FTCDNL1: variants seen among roughly 807,000 people sequenced by gnomAD.
FTCDNL1 encodes formiminotransferase N-terminal subdomain-containing protein.
Under a neutral mutation model 5.9 loss-of-function variants are expected in FTCDNL1, and 11 were observed. The observed-to-expected ratio is 1.87, with a 90% CI of 1.18 to 3.10. The LOEUF (loss-of-function observed/expected upper bound fraction) is 3.10, where lower values mean the gene tolerates loss of function less well. FTCDNL1 is among the 30% of genes most tolerant of loss of function. The pLI is 0.00. For synonymous variants in FTCDNL1, 58 were observed against 24.8 expected, an observed-to-expected ratio of 2.34 and a Z score of -3.99; for missense variants, 115 against 65.5, an observed-to-expected ratio of 1.76 and a Z score of -2.61.
chr2:199,843,737 C>T (rs1158147752), intron 3 of FTCDNL1, among the ~76,000 whole-genome samples: 1 of 152,192 alleles, frequency 6.6e-6, no homozygotes, highest in East Asian at 1.9e-4. Context: ...TTTTTTTCCC[C>T]GAAGATTATA....
the FTCDNL1 span, among the ~76,000 whole-genome samples, chr2:199,727,185 A>G: frequency 2.0e-5 from 3 of 152,320 alleles, no homozygotes; most frequent in Middle Eastern, 3.4e-3. Context: ...GTCTGGTCAC[A>G]ATCTGCCACA....
At chr2:199,683,877 A>G in the FTCDNL1 span, among the ~76,000 whole-genome samples, 1 of 152,208 alleles carries the variant, frequency 6.6e-6, no homozygotes, top group Non-Finnish European at 1.5e-5. Context: ...CAGCAAAGTC[A>G]TGATGTTTGA....
chr2:199,836,038 G>C (rs901317258), intron 3 of FTCDNL1, among the ~76,000 whole-genome samples: 1 of 152,142 alleles, frequency 6.6e-6, no homozygotes, highest in African/African-American at 2.4e-5. Context: ...CTCAACTGTG[G>C]CTTCTAGATT....
At chr2:199,794,332 C>T (rs1439239626) in intron 3 of FTCDNL1, among the ~76,000 whole-genome samples, 1 of 152,122 alleles carries the variant, frequency 6.6e-6, no homozygotes, top group Non-Finnish European at 1.5e-5. Flanking sequence ...GCACTGTGGC[C>T]AAAGCAAATA....
chr2:199,772,340 GAA>G (rs1162099123), intron 3 of FTCDNL1, among the ~76,000 whole-genome samples: 1 of 152,168 alleles, frequency 6.6e-6, no homozygotes, highest in Non-Finnish European at 1.5e-5. Context: ...CAAAACTTCG[GAA>G]AGCGAAACTG....
intron 3 of FTCDNL1, among the ~76,000 whole-genome samples, chr2:199,791,989 T>C (rs1250317398): frequency 6.6e-6 from 1 of 152,098 alleles, no homozygotes; most frequent in Non-Finnish European, 1.5e-5. Flanking sequence ...GTTATCCCCT[T>C]TAGAAGAAAA....
rs754199371 is a variant in FTCDNL1, at chr2:199,810,381, C to A, written c.*2324G>T. 6.6e-5 allele frequency among the ~76,000 whole-genome samples: 10 copies of A among 152,198 alleles called. No individual in the cohort carries two copies. The highest frequency in any genetic ancestry group is 1.2e-4 in the Non-Finnish European group (8 of 68,034). On this transcript the variant is annotated 3_prime_UTR_variant, in exon 5 of 5. Transcript: ENST00000420128. ...GAACTGGGAAAAGCAAAGGGACTCACGTGTTTTGTGATGATGTGAGTTTGG... is the reference window on the plus strand; with the variant it reads ...GAACTGGGAAAAGCAAAGGGACTCAAGTGTTTTGTGATGATGTGAGTTTGG...
the FTCDNL1 span, among the ~76,000 whole-genome samples, chr2:199,740,928 A>G: frequency 6.6e-6 from 1 of 152,170 alleles, no homozygotes; most frequent in African/African-American, 2.4e-5. Flanking sequence ...GGCAAATGTT[A>G]TAGAGGGTCC....
intron 3 of FTCDNL1, among the ~76,000 whole-genome samples, chr2:199,795,267 G>C (rs1047056406): frequency 6.6e-6 from 1 of 152,138 alleles, no homozygotes; most frequent in Non-Finnish European, 1.5e-5. Context: ...CCACTTGTTA[G>C]GCTAGATCAG....
chr2:199,749,783 G>C, the FTCDNL1 span, among the ~76,000 whole-genome samples: 61 of 152,226 alleles, frequency 4.0e-4, no homozygotes, highest in East Asian at 7.7e-3. Flanking sequence ...CAGCCCAAGT[G>C]CTCCCTCACT....
downstream of FTCDNL1, among the ~76,000 whole-genome samples, chr2:199,806,113 C>A (rs1700711882): frequency 6.6e-6 from 1 of 152,174 alleles, no homozygotes; most frequent in South Asian, 2.1e-4. Flanking sequence ...CAAAGGCAGT[C>A]TGAGTTCAAC....
the FTCDNL1 span, among the ~76,000 whole-genome samples, chr2:199,681,150 G>C: frequency 1.3e-5 from 2 of 152,224 alleles, no homozygotes; most frequent in Non-Finnish European, 2.9e-5. Flanking sequence ...TGGGAAAAGA[G>C]AGATAGAAAA....
intron 3 of FTCDNL1, among the ~76,000 whole-genome samples, chr2:199,769,340 CCTT>C (rs1698691643): frequency 6.6e-6 from 1 of 152,114 alleles, no homozygotes; most frequent in African/African-American, 2.4e-5. Context: ...GCAGTTTCCC[CCTT>C]ACTGTTCTAC....
the FTCDNL1 span, among the ~76,000 whole-genome samples, chr2:199,745,409 G>A: frequency 6.6e-6 from 1 of 152,130 alleles, no homozygotes; most frequent in Non-Finnish European, 1.5e-5. Context: ...TCGATGACAG[G>A]TTTCTGTTTT....
chr2:199,778,452 T>C lies in FTCDNL1; in HGVS notation c.212-17617A>G, dbSNP rs539720997. Among the ~76,000 whole-genome samples, 86 of 152,248 alleles carry C rather than the reference T, an allele frequency of 5.6e-4. 1 individual carries two copies. The South Asian group carries it at 0.017, about 29-fold the overall frequency. On this transcript the variant is annotated intron_variant, in intron 3 of 3. Coordinates refer to the FTCDNL1 transcript ENST00000416668. ...CACATTCCTTAAGGTAAAATACAAATGCTGAAATTCAGTGCCCACCATTCC... is the reference window on the plus strand; with the variant it reads ...CACATTCCTTAAGGTAAAATACAAACGCTGAAATTCAGTGCCCACCATTCC...
intron 4 of FTCDNL1, among the ~76,000 whole-genome samples, chr2:199,817,218 G>C (rs1001779480): frequency 1.3e-5 from 2 of 152,078 alleles, no homozygotes; most frequent in African/African-American, 2.4e-5. Flanking sequence ...TTTATCTCTA[G>C]ATCTAGAATT....
At chr2:199,743,162 C>G in the FTCDNL1 span, among the ~76,000 whole-genome samples, 3 of 152,238 alleles carry the variant, frequency 2.0e-5, no homozygotes, top group East Asian at 5.8e-4. Context: ...ATGATCACCT[C>G]AACAGCCCAT....
At chr2:199,842,695 G>A (rs2076622683) in intron 3 of FTCDNL1, among the ~76,000 whole-genome samples, 2 of 152,010 alleles carry the variant, frequency 1.3e-5, no homozygotes, top group Non-Finnish European at 2.9e-5. Context: ...TCTGAAATAC[G>A]TTATTCAGCA....
chr2:199,812,852 C>G (rs1286524682), intron 4 of FTCDNL1, 128 bp from the exon 5 acceptor site: 2 of 588,496 alleles, frequency 3.4e-6, no homozygotes, highest in East Asian at 5.7e-5. Flanking sequence ...GAAAAAGAAA[C>G]TGAGATTCAG....
Sources: gnomAD v4.1 joint callset for allele counts (sites outside exome capture counted in the v4.1 genomes callset) on GRCh38, gnomAD v4.1.1 for gene constraint, MANE v1.5 for transcripts, NCBI Gene and HGNC (gene_info 2026-07-23, HGNC 2026-07-21) for gene names.